ANKHD1: variants seen among roughly 807,000 people sequenced by gnomAD.
ANKHD1 encodes ankyrin repeat and KH domain-containing protein 1.
In ANKHD1, 31 loss-of-function variants were observed where a neutral mutation model predicts 230.5. The observed-to-expected ratio is 0.13, with a 90% CI of 0.10 to 0.18. The LOEUF (loss-of-function observed/expected upper bound fraction) is 0.18, where lower values mean the gene tolerates loss of function less well. Ranked by LOEUF, ANKHD1 falls within the 10% of genes least tolerant of loss-of-function variation. ANKHD1 has a pLI of 1.00. For synonymous variants in ANKHD1, 1,074 were observed against 1,117.6 expected (o/e 0.96, Z 0.78); for missense variants, 2,256 against 3,071.3 (o/e 0.73, Z 6.27).
At chr5:140,455,482 C>G (rs1472948121) in intron 7 of ANKHD1, among the ~76,000 whole-genome samples, 1 of 152,108 alleles carries the variant, frequency 6.6e-6, no homozygotes, top group Non-Finnish European at 1.5e-5. Context: ...ACTGGCAAAC[C>G]AAATCCAGCA....
chr5:140,533,085 A>G (rs964021953), intron 29 of ANKHD1, among the ~76,000 whole-genome samples: 1 of 149,428 alleles, frequency 6.7e-6, no homozygotes, highest in East Asian at 1.9e-4. Flanking sequence ...TAATAGAGCA[A>G]GACTCTGTCT....
At chr5:140,475,921 A>C (rs141390765) in intron 10 of ANKHD1, among the ~76,000 whole-genome samples, 1 of 152,360 alleles carries the variant, frequency 6.6e-6, no homozygotes, top group East Asian at 1.9e-4. Flanking sequence ...ACAAAAAGCA[A>C]AATATAATAC....
chr5:140,510,299 T>A, intron 22 of ANKHD1, 118 bp downstream of exon 22: 7 of 1,134,280 alleles, frequency 6.2e-6, no homozygotes, highest in South Asian at 2.3e-5. Context: ...ATCACTGCTA[T>A]CTTTCCATTC....
chr5:140,460,321 G>A (rs1451064284), intron 9 of ANKHD1, among the ~76,000 whole-genome samples: 1 of 151,738 alleles, frequency 6.6e-6, no homozygotes, highest in Non-Finnish European at 1.5e-5. Context: ...TGAAAATAAT[G>A]TCAGATTTTT....
intron 1 of ANKHD1, among the ~76,000 whole-genome samples, 173 bp from the exon 2 acceptor site, chr5:140,435,931 A>AG (rs1161420692): frequency 6.6e-6 from 1 of 152,220 alleles, no homozygotes; most frequent in African/African-American, 2.4e-5. Flanking sequence ...TCATGTCTGA[A>AG]GGTAAACAGT....
intron 25 of ANKHD1, 137 bp downstream of exon 25, chr5:140,524,377 A>G (rs1036335100): frequency 1.5e-6 from 2 of 1,361,640 alleles, no homozygotes; most frequent in South Asian, 2.0e-5. Flanking sequence ...TGACTTTTAT[A>G]GTAAATATTT....
chr5:140,531,292 T>C, intron 29 of ANKHD1: 1 of 425,522 alleles, frequency 2.4e-6, no homozygotes, highest in Non-Finnish European at 4.7e-6. Flanking sequence ...TAAGAAGTAG[T>C]AATACCGACT....
rs758698457 is a variant in ANKHD1, at chr5:140,496,875, G to A, written c.2601G>A (p.Val867=). Residue 867 remains valine, a synonymous_variant, in exon 15 of 34, where the codon GTG becomes GTA. Coordinates refer to ENST00000360839, the MANE Select transcript of ANKHD1 (RefSeq NM_017747.3). ...AAACCAAAGGTCAGAAAGACACAGT[G>A]TCTCTACACCAACAGTGCTCTCATA... The part of the protein sequence containing the change: ...YLETKGQKDT[V]SLHQQCSHRG... 6.2e-7 allele frequency: 1 copy of A among 1,614,040 alleles called. No homozygotes were observed. Among genetic ancestry groups the A allele is most frequent in the Non-Finnish European group, 8.5e-7 (1 of 1,180,046 alleles).
intron 29 of ANKHD1, chr5:140,532,748 A>G (rs1225324719): frequency 7.8e-6 from 3 of 383,410 alleles, no homozygotes; most frequent in Non-Finnish European, 1.5e-5. Context: ...CAGTAAAGCT[A>G]TTAAAAAGTA....
At chr5:140,429,404 T>C (rs1772843229) in intron 1 of ANKHD1, among the ~76,000 whole-genome samples, 1 of 152,200 alleles carries the variant, frequency 6.6e-6, no homozygotes, top group African/African-American at 2.4e-5. Context: ...GCCTAGAATA[T>C]TCTTAAAGGA....
chr5:140,424,591 C>G lies in ANKHD1; in HGVS notation c.307-11513C>G, dbSNP rs1035562295. Among the ~76,000 whole-genome samples, 6 of 152,206 alleles carry G rather than the reference C, an allele frequency of 3.9e-5. No homozygotes were observed. In the South Asian group the frequency reaches 1.2e-3, roughly 31 times the overall value. On this transcript the variant is annotated intron_variant, in intron 1 of 33. Coordinates refer to ENST00000360839, the MANE Select transcript of ANKHD1 (RefSeq NM_017747.3). ...ATAGTCAAAGCCAAATCCTAAATAA[C>G]TATATGTGCCATACAAAGAAATTTG...
At chr5:140,539,108 G>GT in intron 33 of ANKHD1, 25 bp downstream of exon 33, 2 of 1,572,860 alleles carry the variant, frequency 1.3e-6, no homozygotes, top group South Asian at 1.2e-5. Flanking sequence ...ATGCTCTTTT[G>GT]TTTTTTAGAT....
chr5:140,438,603 A>G lies in ANKHD1; in HGVS notation c.603A>G (p.Ala201=). 2 of 1,602,106 alleles carry G rather than the reference A, an allele frequency of 1.2e-6. No homozygotes were observed. Among genetic ancestry groups the G allele is most frequent in the Non-Finnish European group, 1.7e-6 (2 of 1,172,760 alleles). The part of the protein sequence containing the change: ...TRMKAENSHN[A]GQVDTRSLAE... ...TGAAAGCAGAAAACAGCCACAATGC[A>G]GGACAAGTGGACACGTATGTGTTTA... The change falls in exon 3 of 34, where the codon GCA becomes GCG. Residue 201 remains alanine, a synonymous_variant. Coordinates refer to ENST00000360839, the MANE Select transcript of ANKHD1 (RefSeq NM_017747.3).
Position 140,485,427 on chromosome 5 carries a change from C to CACACACACACACAG in ANKHD1, c.1999-162_1999-161insACACACACACACAG. ...ACACACACACACACACACACACACA[C>CACACACACACACAG]GTATGTATGTGTATATATATATAAA... On this transcript the variant is annotated intron_variant, in intron 12 of 33. Transcript: ENST00000360839. The surrounding 1 kb of genome is among the most constrained non-coding windows in gnomAD (Gnocchi z 4.8). 6.8e-6 allele frequency among the ~76,000 whole-genome samples: 1 copy of CACACACACACACAG among 146,550 alleles called. No homozygotes were observed.
chr5:140,436,120 T>C lies in ANKHD1; in HGVS notation c.323T>C (p.Leu108Ser), dbSNP rs1773430127. The C allele has an allele frequency of 6.4e-7, 1 of 1,568,188 alleles. No homozygotes were observed. Among genetic ancestry groups the C allele is most frequent in the Non-Finnish European group, 8.6e-7 (1 of 1,161,606 alleles). ...DEVSEVESFILDQEDLDNPVL... is the reference protein window; with the variant it reads ...DEVSEVESFISDQEDLDNPVL... Reference sequence around the variant, plus strand: ...CATTAACAGGTTGAATCATTTATTTTGGACCAAGAAGATCTGGATAACCCA... The same window carrying C: ...CATTAACAGGTTGAATCATTTATTTCGGACCAAGAAGATCTGGATAACCCA... The change falls in exon 2 of 34, where the codon TTG (leucine) becomes TCG (serine). Residue 108 changes from leucine to serine, a missense_variant. By Grantham distance (145) the Leu-to-Ser change is moderately radical. Around this residue, in one of 13 missense-constraint regions of ANKHD1, gnomAD observed 193 missense variants for 185.8 expected, o/e 1.04. Transcript: ENST00000360839.
rs1753714672 is a variant in ANKHD1, at chr5:140,529,135, A to T, written c.6189A>T (p.Glu2063Asp). The T allele has an allele frequency of 6.2e-7, 1 of 1,614,140 alleles. No individual in the cohort carries two copies. The highest frequency in any genetic ancestry group is 8.5e-7 in the Non-Finnish European group (1 of 1,180,006). ...CCAGCAACACCCCGGGAGCTCCAGA[A>T]ACTCACCCATCCAGTAGTCCCACTC... ...SSASNTPGAPETHPSSSPTPT... is the reference protein window; with the variant it reads ...SSASNTPGAPDTHPSSSPTPT... Residue 2063 changes from glutamate to aspartate, a missense_variant, in exon 29 of 34, where the codon GAA becomes GAT. Glu to Asp is a conservative substitution (Grantham distance 45). Transcript: ENST00000360839.
At chr5:140,491,849 G>C (rs1342299556) in intron 14 of ANKHD1, among the ~76,000 whole-genome samples, 1 of 152,110 alleles carries the variant, frequency 6.6e-6, no homozygotes, top group Non-Finnish European at 1.5e-5. Context: ...AGATGTTTAA[G>C]TACTTATTGA....
At chr5:140,427,154 C>T (rs1232764725) in intron 1 of ANKHD1, among the ~76,000 whole-genome samples, 2 of 150,578 alleles carry the variant, frequency 1.3e-5, no homozygotes, top group Admixed American at 1.3e-4. Flanking sequence ...GGCTGACCCC[C>T]CCCACCTCCC....
intron 11 of ANKHD1, among the ~76,000 whole-genome samples, chr5:140,484,140 G>A (rs1751405952): frequency 6.6e-6 from 1 of 152,142 alleles, no homozygotes; most frequent in Non-Finnish European, 1.5e-5. Context: ...TGCAAGTTAG[G>A]ATTAGATTCA....
Sources: gnomAD v4.1 joint callset for allele counts (sites outside exome capture counted in the v4.1 genomes callset) on GRCh38, gnomAD v4.1.1 for gene constraint, gnomAD v4.1.1 regional missense constraint, Gnocchi (gnomAD v3.1) non-coding constraint, MANE v1.5 for transcripts, NCBI Gene and HGNC (gene_info 2026-07-23, HGNC 2026-07-21) for gene names.